The following CRTC1 variants were observed in gnomAD, a reference collection of about 807,000 sequenced individuals.
CRTC1 encodes CREB regulated transcription coactivator 1.
CRTC1 carries 18 observed loss-of-function variants against 66.1 expected under a neutral mutation model. The ratio of observed to expected loss-of-function variants is 0.27; its 90% CI spans 0.19 to 0.40. The LOEUF (loss-of-function observed/expected upper bound fraction) is 0.40. Ranked by LOEUF, CRTC1 falls within the 10% of genes least tolerant of loss-of-function variation. CRTC1 has a pLI of 1.00. For synonymous variants in CRTC1, 416 were observed against 398.8 expected, an observed-to-expected ratio of 1.04 and a Z score of -0.51; for missense variants, 669 against 887.9, an observed-to-expected ratio of 0.75 and a Z score of 3.13.
At chr19:18,749,648 C>A in intron 4 of CRTC1, 133 bp from the exon 5 acceptor site, 2 of 711,742 alleles carry the variant, frequency 2.8e-6, no homozygotes, top group Non-Finnish European at 5.0e-6. Flanking sequence ...GAGAGCTTTG[C>A]TCAGGTGCAG....
In CRTC1 at chr19:18,748,421, G is replaced by A. The variant is rs866263168; in HGVS notation, c.443+1307G>A. On this transcript the variant is annotated intron_variant, in intron 4 of 13. Coordinates refer to ENST00000321949, the MANE Select transcript of CRTC1 (RefSeq NM_015321.3). ...TTTTGGAGAGACAAGATCTTGCCAC[G>A]TTACCCAGGCTGGTCTCAAACTCCT... Among the ~76,000 whole-genome samples the A allele has an allele frequency of 3.1e-4, 40 of 130,040 alleles. 1 individual carries two copies. In the Middle Eastern group the frequency reaches 0.034, roughly 111 times the overall value. The allele number at this position is 130,040 out of a possible 152,430, so 85.3% of individuals were successfully genotyped here.
intron 1 of CRTC1, among the ~76,000 whole-genome samples, chr19:18,727,689 C>T (rs982800396): frequency 1.3e-5 from 2 of 151,922 alleles, no homozygotes; most frequent in East Asian, 1.9e-4. Flanking sequence ...GGTCAGCAGC[C>T]GCAACAGCTG....
rs541347003 is a variant in CRTC1, at chr19:18,736,878, T to C, written c.127-6032T>C. Among the ~76,000 whole-genome samples the C allele has an allele frequency of 1.6e-3, 246 of 152,308 alleles. 1 individual carries two copies. The highest frequency in any genetic ancestry group is 5.7e-3 in the African/African-American group (238 of 41,558). ...GGCCGGTTGCCATGGCAGTTGCTTCTGGGCCTGACCAAGGCTGGCCGGTCT... is the reference window on the plus strand; with the variant it reads ...GGCCGGTTGCCATGGCAGTTGCTTCCGGGCCTGACCAAGGCTGGCCGGTCT... On this transcript the variant is annotated intron_variant, in intron 1 of 13. Transcript: ENST00000321949.
intron 2 of CRTC1, chr19:18,744,077 G>T: frequency 6.2e-7 from 1 of 1,612,504 alleles, no homozygotes; most frequent in Non-Finnish European, 8.5e-7. Context: ...AGGCAGCAGC[G>T]TCTCAAAGTC....
In CRTC1 at chr19:18,741,244, T is replaced by G. The variant is rs1257577272; in HGVS notation, c.127-1666T>G. 6.6e-6 allele frequency among the ~76,000 whole-genome samples: 1 copy of G among 152,178 alleles called. No homozygotes were observed. The highest frequency in any genetic ancestry group is 1.5e-5 in the Non-Finnish European group (1 of 68,030). On this transcript the variant is annotated intron_variant, in intron 1 of 13. Coordinates refer to ENST00000321949, the MANE Select transcript of CRTC1 (RefSeq NM_015321.3). The surrounding 1 kb of genome is among the most constrained non-coding windows in gnomAD (Gnocchi z 4.2). ...GGTTTCCTGTGGCCCGGGGACATAG[T>G]GTAAACAAAGCTGCTTCAGGGAGTT... is the stretch of plus-strand genomic sequence containing the variant.
intron 6 of CRTC1, among the ~76,000 whole-genome samples, chr19:18,756,334 CAAAA>C (rs56092227): frequency 1.4e-4 from 10 of 73,178 alleles, no homozygotes; most frequent in African/African-American, 6.2e-4. Flanking sequence ...AACTCCATCT[CAAAA>C]AAAAAAAAAA....
chr19:18,755,658 A>T (rs1406196546), intron 6 of CRTC1, among the ~76,000 whole-genome samples: 1 of 138,400 alleles, frequency 7.2e-6, no homozygotes, highest in Non-Finnish European at 1.5e-5. Flanking sequence ...GCTGGAGTGC[A>T]GTGGCGCAAT....
In CRTC1 at chr19:18,778,807, G is replaced by A. The variant is rs1359746039; in HGVS notation, c.*1425G>A. The A allele has an allele frequency of 2.6e-5, 6 of 231,432 alleles. No individual in the cohort carries two copies. The Admixed American group carries it at 3.4e-4, about 13-fold the overall frequency. The allele number at this position is 231,432 out of a possible 1,614,324, so 14.3% of individuals were successfully genotyped here. A position where few individuals can be genotyped will look rare whatever the true frequency, so the allele number is the denominator to read the frequency against. On this transcript the variant is annotated 3_prime_UTR_variant, in exon 14 of 14. Transcript: ENST00000321949. ...CACGGTCCTCCCTGAGAACCTGGGT[G>A]GAACTGGCATTTCATCCCCTCTCCA...
chr19:18,707,957 T>G (rs908099491), intron 1 of CRTC1, among the ~76,000 whole-genome samples: 1 of 152,240 alleles, frequency 6.6e-6, no homozygotes, highest in Non-Finnish European at 1.5e-5. Flanking sequence ...GGGGGCTAAC[T>G]CTGTCAATGC....
At chr19:18,742,544 A>G (rs955318708) in intron 1 of CRTC1, among the ~76,000 whole-genome samples, 1 of 152,150 alleles carries the variant, frequency 6.6e-6, no homozygotes, top group African/African-American at 2.4e-5. Context: ...GTGATAAGAA[A>G]TGGCTCCCCT....
intron 1 of CRTC1, among the ~76,000 whole-genome samples, chr19:18,695,430 C>T (rs1441323673): frequency 2.0e-5 from 3 of 152,206 alleles, no homozygotes; most frequent in Admixed American, 6.5e-5. Flanking sequence ...CAGGTTATTC[C>T]GTGCAGAGTA....
chr19:18,769,155 G>A (rs537834374), intron 10 of CRTC1, among the ~76,000 whole-genome samples: 63 of 152,362 alleles, frequency 4.1e-4, no homozygotes, highest in Middle Eastern at 3.4e-3. Context: ...CGCAGGCCGG[G>A]GGCCGGGGAT....
chr19:18,739,928 T>C (rs762866806), intron 1 of CRTC1, among the ~76,000 whole-genome samples: 13 of 152,178 alleles, frequency 8.5e-5, no homozygotes, highest in Non-Finnish European at 1.3e-4. Flanking sequence ...TTCATGCTTA[T>C]GGTTTATTGC....
chr19:18,759,341 G>A (rs531285014), intron 6 of CRTC1, among the ~76,000 whole-genome samples: 141 of 152,346 alleles, frequency 9.3e-4, no homozygotes, highest in African/African-American at 3.0e-3. Flanking sequence ...TCTTGGCTTC[G>A]CGCTGGGCAT....
intron 1 of CRTC1, among the ~76,000 whole-genome samples, chr19:18,718,010 C>T (rs2053545401): frequency 6.6e-6 from 1 of 152,170 alleles, no homozygotes; most frequent in Admixed American, 6.5e-5. Flanking sequence ...AGGTGAACAC[C>T]ACATAACATA....
rs948253122 is a variant in CRTC1, at chr19:18,780,780, C to T, written c.*3398C>T. 3 of 220,194 alleles carry T rather than the reference C, an allele frequency of 1.4e-5. No individual in the cohort carries two copies. The highest frequency in any genetic ancestry group is 9.1e-6 in the Non-Finnish European group (1 of 109,766). 13.6% of individuals were successfully genotyped at this position (220,194 alleles called of 1,614,324 possible). ...CTGGGCTCAAGCAGTCCTCCCTCCT[C>T]GGCCTCCCAAAGTTCTGGGGCTACA... is the stretch of plus-strand genomic sequence containing the variant. On this transcript the variant is annotated 3_prime_UTR_variant, in exon 14 of 14. Transcript: ENST00000321949.
intron 1 of CRTC1, among the ~76,000 whole-genome samples, chr19:18,718,542 C>G (rs2053556444): frequency 6.6e-6 from 1 of 151,006 alleles, no homozygotes; most frequent in Non-Finnish European, 1.5e-5. Flanking sequence ...AGGGTTTCAC[C>G]ATATTGGCCA....
intron 1 of CRTC1, among the ~76,000 whole-genome samples, chr19:18,730,943 G>T (rs1206492859): frequency 6.7e-6 from 1 of 149,722 alleles, no homozygotes; most frequent in East Asian, 2.0e-4. Flanking sequence ...TTCCGGGGCT[G>T]AGTATCCTTC....
At position 18,744,009 on chromosome 19, in the gene CRTC1, C is replaced by T. The variant is rs1011600448; in HGVS notation, c.243+983C>T. 155 of 1,292,602 alleles carry T rather than the reference C, an allele frequency of 1.2e-4. No individual in the cohort carries two copies. In the Admixed American group the frequency reaches 2.1e-3, roughly 18 times the overall value. The allele number at this position is 1,292,602 out of a possible 1,614,324, so 80.1% of individuals were successfully genotyped here. A position where few individuals can be genotyped will look rare whatever the true frequency, so the allele number is the denominator to read the frequency against. ...GCACAGGACCCTGTTGGGTGTCTGT[C>T]GCCCGAGGCCCACAGCCCGGGGGGA... is the stretch of plus-strand genomic sequence containing the variant. On this transcript the variant is annotated intron_variant, in intron 2 of 13. Transcript: ENST00000321949.
Sources: gnomAD v4.1 joint callset for allele counts (sites outside exome capture counted in the v4.1 genomes callset) on GRCh38, gnomAD v4.1.1 for gene constraint, Gnocchi (gnomAD v3.1) non-coding constraint, MANE v1.5 for transcripts, NCBI Gene and HGNC (gene_info 2026-07-23, HGNC 2026-07-21) for gene names.